Variants in CTNND2 observed in about 807,000 individuals in gnomAD.
CTNND2 encodes catenin delta-2.
Under a neutral mutation model 144.4 loss-of-function variants are expected in CTNND2, and 22 were observed. The observed-to-expected ratio is 0.15, with a 90% CI of 0.11 to 0.22. CTNND2 has a LOEUF of 0.22. Among genes scored for constraint, CTNND2 ranks in the 10% least tolerant of loss-of-function variants. CTNND2 has a pLI of 1.00. For synonymous variants in CTNND2, 751 were observed against 695.6 expected (o/e 1.08, Z -1.25); for missense variants, 1,353 against 1,618.8 (o/e 0.84, Z 2.82).
chr5:11,333,274 GT>G (rs201811997), intron 9 of CTNND2, among the ~76,000 whole-genome samples: 3 of 150,550 alleles, frequency 2.0e-5, no homozygotes, highest in Non-Finnish European at 4.4e-5. Context: ...TCTTTTTTTT[GT>G]TTTTTTGAGG....
intron 3 of CTNND2, among the ~76,000 whole-genome samples, chr5:11,495,371 C>T (rs1273383732): frequency 1.3e-5 from 2 of 150,790 alleles, no homozygotes; most frequent in Non-Finnish European, 3.0e-5. Context: ...TTTCTTCTAT[C>T]CCCTTTAAAA....
At chr5:11,032,440 C>G (rs1028939592) in intron 16 of CTNND2, among the ~76,000 whole-genome samples, 2 of 152,102 alleles carry the variant, frequency 1.3e-5, no homozygotes, top group Non-Finnish European at 2.9e-5. Flanking sequence ...AGTCTATCAT[C>G]AAAGGGGAAA....
At chr5:11,164,927 C>T (rs1042508535) in intron 11 of CTNND2, among the ~76,000 whole-genome samples, 1 of 152,174 alleles carries the variant, frequency 6.6e-6, no homozygotes, top group East Asian at 1.9e-4. Context: ...GTATGCAGAA[C>T]ACAGAGCTAC....
At chr5:11,807,366 A>G (rs2126900241) in intron 1 of CTNND2, among the ~76,000 whole-genome samples, 1 of 152,238 alleles carries the variant, frequency 6.6e-6, no homozygotes, top group African/African-American at 2.4e-5. Flanking sequence ...AACCATCCCT[A>G]CTACCTTCTG....
chr5:11,675,522 G>A (rs891310333), intron 2 of CTNND2, among the ~76,000 whole-genome samples: 1 of 152,044 alleles, frequency 6.6e-6, no homozygotes, highest in Non-Finnish European at 1.5e-5. Flanking sequence ...CCACCTCTGT[G>A]TAACCTGACC....
chr5:11,731,105 A>G (rs1436765597), intron 2 of CTNND2, among the ~76,000 whole-genome samples: 2 of 152,186 alleles, frequency 1.3e-5, no homozygotes, highest in East Asian at 3.9e-4. Flanking sequence ...TTCACAAACT[A>G]GAGTATCCAC....
chr5:11,378,061 T>C (rs1484023933), intron 7 of CTNND2, among the ~76,000 whole-genome samples: 1 of 152,114 alleles, frequency 6.6e-6, no homozygotes, highest in Non-Finnish European at 1.5e-5. Flanking sequence ...GAGATGAGCT[T>C]GCACGAAGCC....
intron 1 of CTNND2, among the ~76,000 whole-genome samples, chr5:11,776,290 C>T (rs185742960): frequency 1.2e-4 from 19 of 152,196 alleles, no homozygotes; most frequent in African/African-American, 4.6e-4. Flanking sequence ...CCCTCATCAG[C>T]CAGTGAGTGA....
intron 1 of CTNND2, among the ~76,000 whole-genome samples, chr5:11,813,621 TAA>T (rs1455644141): frequency 1.3e-5 from 2 of 152,234 alleles, no homozygotes; most frequent in African/African-American, 4.8e-5. Flanking sequence ...ATCAACTTTC[TAA>T]AAGAGTCCAC....
intron 3 of CTNND2, among the ~76,000 whole-genome samples, chr5:11,456,153 T>C (rs557357351): frequency 2.0e-5 from 3 of 152,322 alleles, no homozygotes; most frequent in Admixed American, 1.3e-4. Flanking sequence ...CATCACTTAT[T>C]TATCATCTAA....
chr5:11,075,061 G>T (rs1307305094), intron 16 of CTNND2, among the ~76,000 whole-genome samples: 1 of 151,970 alleles, frequency 6.6e-6, no homozygotes, highest in Non-Finnish European at 1.5e-5. Flanking sequence ...AAACTCCCAG[G>T]CAAGAAACCA....
intron 14 of CTNND2, among the ~76,000 whole-genome samples, chr5:11,101,926 T>TC: frequency 6.6e-6 from 1 of 151,786 alleles, no homozygotes; most frequent in Non-Finnish European, 1.5e-5. Context: ...TGTGTGTGTT[T>TC]ACATCTTCAC....
chr5:11,207,488 A>G (rs1738173147), intron 10 of CTNND2, among the ~76,000 whole-genome samples: 1 of 152,168 alleles, frequency 6.6e-6, no homozygotes, highest in African/African-American at 2.4e-5. Context: ...TTCACTGTCT[A>G]TAAAGATGGA....
chr5:11,047,841 G>A (rs1171050709), intron 16 of CTNND2, among the ~76,000 whole-genome samples: 2 of 152,122 alleles, frequency 1.3e-5, no homozygotes, highest in Non-Finnish European at 2.9e-5. Context: ...TTCCTAGCAG[G>A]TGACCCTGCT....
chr5:11,622,893 G>T (rs1780926171), intron 2 of CTNND2, among the ~76,000 whole-genome samples: 1 of 152,140 alleles, frequency 6.6e-6, no homozygotes, highest in Non-Finnish European at 1.5e-5. Context: ...CCTTAAGCAT[G>T]TAAGATTTCC....
At chr5:11,000,239 G>A (rs536898411) in intron 18 of CTNND2, among the ~76,000 whole-genome samples, 1 of 152,328 alleles carries the variant, frequency 6.6e-6, no homozygotes, top group South Asian at 2.1e-4. Context: ...TAGAAATTGT[G>A]TGGCTGAGCG....
intron 2 of CTNND2, among the ~76,000 whole-genome samples, chr5:11,627,603 T>A (rs1473274248): frequency 1.3e-5 from 2 of 151,994 alleles, no homozygotes; most frequent in African/African-American, 4.8e-5. Flanking sequence ...GTATTTGCTA[T>A]TTCAAATGAT....
chr5:11,386,589 A>C (rs1227910942), intron 6 of CTNND2, among the ~76,000 whole-genome samples: 1 of 152,192 alleles, frequency 6.6e-6, no homozygotes, highest in African/African-American at 2.4e-5. Context: ...GTTTGGTGAG[A>C]GACTTTCTCT....
intron 2 of CTNND2, among the ~76,000 whole-genome samples, chr5:11,693,966 T>C (rs1785025417): frequency 6.6e-6 from 1 of 152,226 alleles, no homozygotes; most frequent in East Asian, 1.9e-4. Context: ...ATATTGTTGA[T>C]TCATGAATAT....
Sources: allele counts gnomAD v4.1 joint callset (sites outside exome capture counted in the v4.1 genomes callset), GRCh38; gene constraint gnomAD v4.1.1; transcripts MANE v1.5; gene names NCBI Gene and HGNC (gene_info 2026-07-23, HGNC 2026-07-21).